The following NTM variants were observed in gnomAD, a reference collection of about 807,000 sequenced individuals.
NTM encodes the protein IgLON family member 2.
A neutral mutation model predicts 42.1 loss-of-function variants in NTM; 13 were observed. That is an observed-to-expected ratio of 0.31 (90% CI 0.20 to 0.49). The LOEUF is 0.49. NTM is among the 20% of genes least tolerant of loss of function. The pLI is 0.99. For missense variants in NTM, 373 were observed against 452.8 expected (o/e 0.82, Z 1.60); for synonymous variants, 187 against 179.2 (o/e 1.04, Z -0.35).
intron 1 of NTM, among the ~76,000 whole-genome samples, chr11:131,905,242 G>A (rs188344651): frequency 1.3e-5 from 2 of 152,296 alleles, no homozygotes; most frequent in East Asian, 3.9e-4. Context: ...TAATGGAGAG[G>A]GTGAATATTT....
At chr11:132,012,914 G>A (rs867590757) in intron 2 of NTM, among the ~76,000 whole-genome samples, 10 of 152,020 alleles carry the variant, frequency 6.6e-5, no homozygotes, top group African/African-American at 1.2e-4. Context: ...GTGACTTTTC[G>A]GAGAAGATTA....
In NTM at chr11:132,335,008, C is replaced by A. The variant is rs371171195; in HGVS notation, c.968-38C>A. The A allele has an allele frequency of 1.9e-6, 3 of 1,600,598 alleles. No homozygotes were observed. The Admixed American group carries it at 5.1e-5, about 27-fold the overall frequency. On this transcript the variant is annotated intron_variant, in intron 8 of 8. Transcript: ENST00000683400. ...AACCACCGGGCTTTCCTTCCATTTT[C>A]TCCCAGACCACTCACGGCGAGTGTG...
intron 1 of NTM, among the ~76,000 whole-genome samples, chr11:131,384,497 T>C (rs1461565341): frequency 1.3e-5 from 2 of 152,156 alleles, no homozygotes; most frequent in African/African-American, 4.8e-5. Flanking sequence ...GGGGTGGGGA[T>C]ACAAATAGAA....
chr11:131,666,053 T>C (rs908386051), intron 1 of NTM, among the ~76,000 whole-genome samples: 2 of 152,234 alleles, frequency 1.3e-5, no homozygotes, highest in Admixed American at 6.5e-5. Flanking sequence ...TGGTATATAT[T>C]AGGCTACATA....
intron 1 of NTM, among the ~76,000 whole-genome samples, chr11:131,649,406 G>A (rs909716539): frequency 1.3e-5 from 2 of 152,178 alleles, no homozygotes; most frequent in African/African-American, 4.8e-5. Context: ...GGGATAAAAA[G>A]TGGTCTGAAC....
chr11:131,742,363 C>T (rs2081302289), intron 1 of NTM, among the ~76,000 whole-genome samples: 1 of 151,956 alleles, frequency 6.6e-6, no homozygotes, highest in African/African-American at 2.4e-5. Flanking sequence ...TTTCATTGCT[C>T]GTGTTGGAAT....
At chr11:132,211,218 C>T (rs2074428985) in intron 3 of NTM, among the ~76,000 whole-genome samples, 1 of 152,148 alleles carries the variant, frequency 6.6e-6, no homozygotes, top group Non-Finnish European at 1.5e-5. Flanking sequence ...AGTCTGGGCA[C>T]ATGGCAAAAC....
At chr11:132,310,863 T>C (rs1447724904) in intron 6 of NTM, among the ~76,000 whole-genome samples, 23 of 152,180 alleles carry the variant, frequency 1.5e-4, no homozygotes, top group Non-Finnish European at 1.6e-4. Context: ...AAATGACATA[T>C]CAGTGCAGGG....
chr11:131,566,543 G>T (rs1026254549), intron 1 of NTM, among the ~76,000 whole-genome samples: 4 of 151,988 alleles, frequency 2.6e-5, no homozygotes, highest in African/African-American at 9.7e-5. Context: ...TGTGAGTCTC[G>T]AGCCTTCCAA....
chr11:131,795,957 T>A, intron 1 of NTM: 1 of 983,490 alleles, frequency 1.0e-6, no homozygotes, highest in Non-Finnish European at 1.2e-6. Context: ...GTTAGGATAT[T>A]CCAGATGGGA....
At chr11:132,125,275 T>C (rs942122481) in intron 2 of NTM, among the ~76,000 whole-genome samples, 1 of 100,480 alleles carries the variant, frequency 1.0e-5, no homozygotes, top group Non-Finnish European at 2.1e-5. Flanking sequence ...AATAATGTAC[T>C]GGTGTGTGTT....
At chr11:131,957,828 T>G (rs893643941) in intron 2 of NTM, among the ~76,000 whole-genome samples, 3 of 152,164 alleles carry the variant, frequency 2.0e-5, no homozygotes, top group Admixed American at 2.0e-4. Flanking sequence ...AGGGAATTTT[T>G]CGAAGGAAAG....
chr11:131,454,496 G>T (rs1362646767), intron 1 of NTM, among the ~76,000 whole-genome samples: 2 of 152,168 alleles, frequency 1.3e-5, no homozygotes, highest in African/African-American at 4.8e-5. Context: ...CCCACTTTAA[G>T]TGGAGAGCAG....
chr11:131,600,715 T>C (rs1346435617), intron 1 of NTM, among the ~76,000 whole-genome samples: 2 of 152,168 alleles, frequency 1.3e-5, no homozygotes, highest in Admixed American at 6.5e-5. Context: ...GAGGTACTTA[T>C]GGGCTGCAGG....
intron 4 of NTM, among the ~76,000 whole-genome samples, chr11:132,293,354 C>A (rs967925334): frequency 6.6e-6 from 1 of 152,200 alleles, no homozygotes; most frequent in African/African-American, 2.4e-5. Flanking sequence ...GTAGCCCCCA[C>A]TTGACAGGAC....
chr11:131,873,654 CAT>C (rs1376021411), intron 1 of NTM, among the ~76,000 whole-genome samples: 3 of 94,832 alleles, frequency 3.2e-5, no homozygotes, highest in South Asian at 2.8e-4. Flanking sequence ...TATATACACA[CAT>C]ATATATACAC....
intron 2 of NTM, among the ~76,000 whole-genome samples, chr11:132,075,988 C>G (rs1038481100): frequency 1.3e-5 from 2 of 152,142 alleles, no homozygotes; most frequent in African/African-American, 4.8e-5. Flanking sequence ...CAATAGCATA[C>G]TTTCATCATT....
chr11:132,144,117 G>T (rs2069797913), intron 2 of NTM, among the ~76,000 whole-genome samples: 2 of 152,200 alleles, frequency 1.3e-5, no homozygotes, highest in South Asian at 4.1e-4. Flanking sequence ...GCTGATGTTG[G>T]TGGTTTGCCA....
intron 4 of NTM, among the ~76,000 whole-genome samples, chr11:132,256,082 A>G (rs2092446017): frequency 6.6e-6 from 1 of 152,120 alleles, no homozygotes; most frequent in Non-Finnish European, 1.5e-5. Flanking sequence ...TAGAAGGCAA[A>G]TGTGGAATAT....
Sources: gnomAD v4.1 joint callset for allele counts (sites outside exome capture counted in the v4.1 genomes callset) on GRCh38, gnomAD v4.1.1 for gene constraint, MANE v1.5 for transcripts, NCBI Gene and HGNC (gene_info 2026-07-23, HGNC 2026-07-21) for gene names.